Variants in TNS3 observed in about 807,000 individuals in gnomAD.
TNS3 encodes tensin 3.
Under a neutral mutation model 140.9 loss-of-function variants are expected in TNS3, and 45 were observed. The observed-to-expected ratio is 0.32, with a 90% confidence interval of 0.25 to 0.41. The LOEUF is 0.41. Ranked by LOEUF, TNS3 falls within the 10% of genes least tolerant of loss-of-function variation. The probability of loss-of-function intolerance (pLI) is 1.00; values close to 1 mark genes in which losing one functional copy is unlikely to be tolerated. For synonymous variants in TNS3, 815 were observed against 788.4 expected (o/e 1.03, Z -0.56); for missense variants, 1,716 against 1,906.7 (o/e 0.90, Z 1.86).
At chr7:47,363,833 G>A (rs528775886) in intron 17 of TNS3, among the ~76,000 whole-genome samples, 1 of 152,294 alleles carries the variant, frequency 6.6e-6, no homozygotes, top group South Asian at 2.1e-4. Context: ...TTAGGTGATG[G>A]TACCATTCTG....
At chr7:47,530,838 A>AAAAAAAAAATATATATAT in intron 1 of TNS3, among the ~76,000 whole-genome samples, 14 of 54,556 alleles carry the variant, frequency 2.6e-4, no homozygotes, top group African/African-American at 7.9e-4. Flanking sequence ...AAAAAAAAAA[A>AAAAAAAAAATATATATAT]ATATATATAT....
At chr7:47,364,005 T>G (rs1790546483) in intron 17 of TNS3, among the ~76,000 whole-genome samples, 1 of 152,026 alleles carries the variant, frequency 6.6e-6, no homozygotes, top group South Asian at 2.1e-4. Flanking sequence ...GTGCAGGCAC[T>G]CCAGCAGCAT....
intron 7 of TNS3, 102 bp from the exon 8 acceptor site, chr7:47,435,506 T>C (rs1795135759): frequency 2.6e-6 from 4 of 1,530,624 alleles, no homozygotes; most frequent in Admixed American, 3.5e-5. Flanking sequence ...CATTTGGGAG[T>C]AAAGAACATG....
Position 47,369,041 on chromosome 7 carries a change from G to A in TNS3, c.1605C>T (p.Gly535=), listed in dbSNP as rs374128685. Reference sequence around the variant, plus strand: ...CAAGGCCCAGGTCCGGAACGAGGGTGCCCTGCGGATCTTCACCAACGTTGC... The same window carrying A: ...CAAGGCCCAGGTCCGGAACGAGGGTACCCTGCGGATCTTCACCAACGTTGC... The part of the protein sequence containing the change: ...FGSNVGEDPQ[G]TLVPDLGLGM... The change falls in exon 17 of 31, where the codon GGC becomes GGT. Residue 535 remains glycine (G), a synonymous_variant. Coordinates refer to ENST00000311160, the MANE Select transcript of TNS3 (RefSeq NM_022748.12). 56 of 1,613,924 alleles carry A rather than the reference G, an allele frequency of 3.5e-5. No individual in the cohort carries two copies. Among genetic ancestry groups the A allele is most frequent in the Non-Finnish European group, 4.5e-5 (53 of 1,180,046 alleles).
At chr7:47,413,251 C>CTTTTTTTTTTTTT (rs71003398) in intron 12 of TNS3, among the ~76,000 whole-genome samples, 1 of 52,904 alleles carries the variant, frequency 1.9e-5, no homozygotes, top group African/African-American at 7.6e-5. Flanking sequence ...CAAGCCTGGC[C>CTTTTTTTTTTTTT]TTTTTTTTTT....
chr7:47,407,758 T>C lies in TNS3; in HGVS notation c.723+3969A>G, dbSNP rs987968799. On this transcript the variant is annotated intron_variant, in intron 13 of 30. Transcript: ENST00000311160. The surrounding 1 kb of genome is among the most constrained non-coding windows in gnomAD (Gnocchi z 4.1). Reference sequence around the variant, plus strand: ...GTCCTTGTAAGAAGAGATGAGGACATAGACACACAGAGGGAAGCCCAGGTG... The same window carrying C: ...GTCCTTGTAAGAAGAGATGAGGACACAGACACACAGAGGGAAGCCCAGGTG... Among the ~76,000 whole-genome samples, 1 of 152,028 alleles carries C rather than the reference T, an allele frequency of 6.6e-6. No homozygotes were observed. The highest frequency in any genetic ancestry group is 6.5e-5 in the Admixed American group (1 of 15,270).
chr7:47,283,457 TTTTTA>T (rs1242165932), intron 28 of TNS3, among the ~76,000 whole-genome samples: 3 of 152,224 alleles, frequency 2.0e-5, no homozygotes, highest in Admixed American at 6.5e-5. Flanking sequence ...CAAACGTCTT[TTTTTA>T]TTTTATTTTA....
chr7:47,400,793 G>A lies in TNS3; in HGVS notation c.845C>T (p.Ala282Val), dbSNP rs866174659. 1 of 1,614,052 alleles carries A rather than the reference G, an allele frequency of 6.2e-7. No homozygotes were observed. The highest frequency in any genetic ancestry group is 8.5e-7 in the Non-Finnish European group (1 of 1,179,926). ...CCAGCTCCGCGCCTCACCTTTGCTG[G>A]CATTGTCCAGATCCTCCTTCCCAAA... ...LVFGKEDLDN[A>V]SKDDRFPDYG... Residue 282 changes from alanine to valine, a missense_variant, in exon 14 of 31, where the codon GCC (alanine) becomes GTC (valine). Coordinates refer to ENST00000311160, the MANE Select transcript of TNS3 (RefSeq NM_022748.12).
intron 9 of TNS3, among the ~76,000 whole-genome samples, chr7:47,426,209 G>C (rs1246973006): frequency 1.3e-5 from 2 of 152,144 alleles, no homozygotes; most frequent in African/African-American, 2.4e-5. Context: ...TTGAACCTGG[G>C]AGGTGGAGGT....
chr7:47,411,625 TGGGGGTGAGGGTTACTGTTTTAACACA>T, intron 13 of TNS3, 75 bp downstream of exon 13: 1 of 1,264,086 alleles, frequency 7.9e-7, no homozygotes. Flanking sequence ...GTACTTTTTT[TGGGGGTGAGGGTTACTGTTTTAACACA>T]GAATCATGAT....
intron 30 of TNS3, 28 bp from the exon 31 acceptor site, chr7:47,278,248 G>A: frequency 1.2e-6 from 2 of 1,605,496 alleles, no homozygotes; most frequent in Non-Finnish European, 1.7e-6. Context: ...AGTCAGAGTG[G>A]TCAGTGTCCC....
At chr7:47,404,316 G>A (rs1309868479) in intron 13 of TNS3, among the ~76,000 whole-genome samples, 1 of 152,192 alleles carries the variant, frequency 6.6e-6, no homozygotes, top group Non-Finnish European at 1.5e-5. Context: ...ACTGCAAAAT[G>A]AGTATTATGA....
Position 47,277,875 on chromosome 7 carries a change from G to C in TNS3, c.*201C>G, listed in dbSNP as rs1202315776. On this transcript the variant is annotated 3_prime_UTR_variant, in exon 31 of 31. Coordinates refer to ENST00000311160, the MANE Select transcript of TNS3 (RefSeq NM_022748.12). ...AGCATGTGGCTACAGAGATGTGTCA[G>C]ATAAGTCACTTTCAGGAAAGGCCAA... The C allele has an allele frequency of 2.6e-5, 18 of 700,518 alleles. No homozygotes were observed. In the South Asian group the frequency reaches 2.7e-4, roughly 11 times the overall value. 43.4% of individuals were successfully genotyped at this position (700,518 alleles called of 1,614,324 possible).
intron 1 of TNS3, among the ~76,000 whole-genome samples, chr7:47,542,514 C>T (rs771581760): frequency 3.3e-5 from 5 of 152,192 alleles, no homozygotes; most frequent in Admixed American, 1.3e-4. Flanking sequence ...CAGATGACTC[C>T]TAGCTCTCCT....
Position 47,293,739 on chromosome 7 carries a change from A to G in TNS3, c.3766T>C (p.Tyr1256His). 6.2e-7 allele frequency: 1 copy of G among 1,614,114 alleles called. No individual in the cohort carries two copies. Among genetic ancestry groups the G allele is most frequent in the Non-Finnish European group, 8.5e-7 (1 of 1,179,978 alleles). ...VRLKGCSNEP[Y>H]FGSLTALVCQ... ...AACCTCTCAAGCAACTCACCGAAAT[A>G]TGGTTCATTCGAGCACCCTTTCAAC... Residue 1256 changes from tyrosine to histidine, a missense_variant, in exon 25 of 31, where the codon TAT becomes CAT. Around this residue, in one of 3 missense-constraint regions of TNS3, gnomAD observed 216 missense variants for 295.7 expected, o/e 0.73. Transcript: ENST00000311160.
chr7:47,306,756 T>G (rs1786782203), intron 20 of TNS3, among the ~76,000 whole-genome samples: 1 of 152,166 alleles, frequency 6.6e-6, no homozygotes, highest in Non-Finnish European at 1.5e-5. Context: ...TTTTTGTATT[T>G]TTAGTAGAGA....
chr7:47,413,941 T>A lies in TNS3; in HGVS notation c.643A>T (p.Ile215Phe). 1 of 1,613,550 alleles carries A rather than the reference T, an allele frequency of 6.2e-7. No individual in the cohort carries two copies. Among genetic ancestry groups the A allele is most frequent in the South Asian group, 1.1e-5 (1 of 91,042 alleles). Residue 215 changes from isoleucine to phenylalanine, a missense_variant, in exon 12 of 31, where the codon ATC (isoleucine) becomes TTC (phenylalanine). This residue lies in a region of TNS3 where 337 missense variants were observed against 428.9 expected (regional missense o/e 0.79). Coordinates refer to ENST00000311160, the MANE Select transcript of TNS3 (RefSeq NM_022748.12). Reference protein sequence around the residue: ...QAMQPVYTSGIYNVGPENPSR... With the variant: ...QAMQPVYTSGFYNVGPENPSR... ...AGCAGCAGCAGCAGCACTCACTAGA[T>A]CCCGGAGGTGTACACAGGCTGCATG... is the stretch of plus-strand genomic sequence containing the variant.
intron 17 of TNS3, among the ~76,000 whole-genome samples, chr7:47,359,316 A>G (rs1584476437): frequency 6.6e-6 from 1 of 152,344 alleles, no homozygotes; most frequent in East Asian, 1.9e-4. Flanking sequence ...TTGTGATGCC[A>G]TTTATGTAAA....
intron 3 of TNS3, among the ~76,000 whole-genome samples, chr7:47,496,980 T>C (rs1043884997): frequency 1.3e-5 from 2 of 152,146 alleles, no homozygotes; most frequent in African/African-American, 4.8e-5. Context: ...CAAGAGGCAC[T>C]TGGATTCCAG....
Sources: gnomAD v4.1 joint callset for allele counts (sites outside exome capture counted in the v4.1 genomes callset) on GRCh38, gnomAD v4.1.1 for gene constraint, gnomAD v4.1.1 regional missense constraint, Gnocchi (gnomAD v3.1) non-coding constraint, MANE v1.5 for transcripts, NCBI Gene and HGNC (gene_info 2026-07-23, HGNC 2026-07-21) for gene names.